Variants in TRAP1 observed in about 807,000 individuals in gnomAD.
TRAP1 encodes the protein TNF receptor associated protein 1, also known as heat shock protein 75 kDa, mitochondrial.
A neutral mutation model predicts 89.1 loss-of-function variants in TRAP1; 102 were observed. That is an observed-to-expected ratio of 1.15 (90% confidence interval 0.98 to 1.35). The LOEUF is 1.35. Among genes scored for constraint, TRAP1 ranks in the 40% most tolerant of loss-of-function variants. The pLI is 0.00. For missense variants in TRAP1, 1,256 were observed against 945.3 expected, an observed-to-expected ratio of 1.33 and a Z score of -4.31; for synonymous variants, 508 against 388.0, an observed-to-expected ratio of 1.31 and a Z score of -3.64.
Position 3,676,115 on chromosome 16 carries a change from C to A in TRAP1, c.735G>T (p.Ser245=), listed in dbSNP as rs754204276. 3 of 1,613,914 alleles carry A rather than the reference C, an allele frequency of 1.9e-6. No homozygotes were observed. In the Admixed American group the frequency reaches 5.0e-5, roughly 27 times the overall value. ...GSGVFEIAEA[S]GVRTGTKIII... ...TGATTTTTGTCCCGGTTCTAACTCC[C>A]GAAGCTTCGGCGATTTCAAACACTC... The change falls in exon 7 of 18, where the codon TCG becomes TCT. Residue 245 remains serine, a synonymous_variant. Coordinates refer to ENST00000246957, the MANE Select transcript of TRAP1 (RefSeq NM_016292.3).
At chr16:3,665,853 G>C in intron 12 of TRAP1, 118 bp downstream of exon 12, 1 of 1,319,476 alleles carries the variant, frequency 7.6e-7, no homozygotes, top group Non-Finnish European at 1.0e-6. Flanking sequence ...GGCAGCAGCA[G>C]CAGCAGCCAG....
At chr16:3,710,344 T>C (rs1298308572) in intron 1 of TRAP1, 1 of 152,222 alleles carries the variant, frequency 6.6e-6, no homozygotes, top group Non-Finnish European at 1.5e-5. Context: ...GACCTGCAAG[T>C]TAAGGCCACA....
At chr16:3,697,002 A>G (rs935462492) in intron 1 of TRAP1, among the ~76,000 whole-genome samples, 5 of 152,144 alleles carry the variant, frequency 3.3e-5, no homozygotes, top group African/African-American at 1.2e-4. Flanking sequence ...CTGGGATTAG[A>G]GCCGTAAGAC....
chr16:3,675,734 C>T (rs552089767), intron 7 of TRAP1, among the ~76,000 whole-genome samples: 12 of 152,328 alleles, frequency 7.9e-5, no homozygotes, highest in South Asian at 2.1e-4. Flanking sequence ...GGGAAGGCCA[C>T]GCCCACATCC....
intron 7 of TRAP1, 90 bp from the exon 8 acceptor site, chr16:3,675,487 C>G: frequency 1.6e-6 from 2 of 1,279,908 alleles, no homozygotes; most frequent in Non-Finnish European, 2.2e-6. Flanking sequence ...CGCCAGCCTG[C>G]TGGGAAGGGT....
intron 4 of TRAP1, 71 bp from the exon 5 acceptor site, chr16:3,679,861 C>T: frequency 6.7e-7 from 1 of 1,492,324 alleles, no homozygotes; most frequent in South Asian, 1.1e-5. Flanking sequence ...CCAGCAGTCC[C>T]AGGGACTCAA....
chr16:3,697,463 G>C (rs2051304950), intron 1 of TRAP1, among the ~76,000 whole-genome samples: 2 of 151,944 alleles, frequency 1.3e-5, no homozygotes, highest in African/African-American at 4.8e-5. Flanking sequence ...AGGAGATTGA[G>C]ACCATCCTGG....
intron 7 of TRAP1, 128 bp downstream of exon 7, chr16:3,675,908 C>T (rs1389015715): frequency 3.8e-6 from 3 of 784,318 alleles, no homozygotes; most frequent in Admixed American, 2.9e-5. Flanking sequence ...CCCGCAGCGG[C>T]TCGGCCCTTC....
At chr16:3,697,181 T>G (rs1380771512) in intron 1 of TRAP1, among the ~76,000 whole-genome samples, 1 of 152,212 alleles carries the variant, frequency 6.6e-6, no homozygotes, top group East Asian at 1.9e-4. Flanking sequence ...CTTTGCCTAT[T>G]GGTCAGATAA....
intron 1 of TRAP1, among the ~76,000 whole-genome samples, chr16:3,714,708 G>A (rs12597773): frequency 0.07 from 10,607 of 152,172 alleles, 541 homozygotes; most frequent in East Asian, 0.21. Context: ...GGCTGGCAGT[G>A]TCAGGGGTCA....
At chr16:3,671,933 C>G in intron 10 of TRAP1, 142 bp from the exon 11 acceptor site, 2 of 861,782 alleles carry the variant, frequency 2.3e-6, no homozygotes, top group Non-Finnish European at 3.7e-6. Flanking sequence ...GCGGCACTGC[C>G]GGAGCTTCCT....
intron 11 of TRAP1, among the ~76,000 whole-genome samples, chr16:3,671,475 C>T (rs1226220193): frequency 1.3e-5 from 2 of 152,178 alleles, no homozygotes. Context: ...TCTGGCTCTG[C>T]GGCCCCTCCC....
intron 2 of TRAP1, 33 bp from the exon 3 acceptor site, chr16:3,689,170 T>A (rs1425666778): frequency 6.3e-7 from 1 of 1,578,280 alleles, no homozygotes; most frequent in East Asian, 2.2e-5. Flanking sequence ...ACCAACAAAG[T>A]TTAACTTCTA....
At chr16:3,658,281 A>T (rs768906535) in intron 17 of TRAP1, 51 bp from the exon 18 acceptor site, 211 of 1,216,718 alleles carry the variant, frequency 1.7e-4, no homozygotes, top group Admixed American at 4.6e-4. Context: ...GCACCTTTTC[A>T]TTTTTTTTTT....
At position 3,677,590 on chromosome 16, in the gene TRAP1, A is replaced by C; in HGVS notation, c.612T>G (p.Gly204=). Residue 204 remains glycine (G), a synonymous_variant, in exon 6 of 18, where the codon GGT becomes GGG. Coordinates refer to ENST00000246957, the MANE Select transcript of TRAP1 (RefSeq NM_016292.3). The stretch of plus-strand genomic sequence containing the variant: ...CAGCCACCATGAAAGCTGAGTAGAA[A>C]CCCACTCCAAACTGGCCGATGATCT... ...SSKIIGQFGV[G]FYSAFMVADR... The C allele has an allele frequency of 1.9e-6, 3 of 1,614,092 alleles. No individual in the cohort carries two copies. Among genetic ancestry groups the C allele is most frequent in the Non-Finnish European group, 2.5e-6 (3 of 1,180,018 alleles).
At position 3,684,843 on chromosome 16, in the gene TRAP1, T is replaced by C. The variant is rs570232368; in HGVS notation, c.471+1153A>G. Among the ~76,000 whole-genome samples, 89 of 152,250 alleles carry C rather than the reference T, an allele frequency of 5.8e-4. 1 individual carries two copies. The highest frequency in any genetic ancestry group is 4.4e-3 in the East Asian group (23 of 5,186). ...TGGACCATGACGCTCCCATCGGCTA[T>C]TGAGAATAGAAAAACTGGGTCCCAA... On this transcript the variant is annotated intron_variant, in intron 4 of 17. Coordinates refer to ENST00000246957, the MANE Select transcript of TRAP1 (RefSeq NM_016292.3).
intron 1 of TRAP1, among the ~76,000 whole-genome samples, chr16:3,702,159 A>G (rs1313259505): frequency 2.7e-5 from 4 of 149,652 alleles, no homozygotes; most frequent in African/African-American, 7.7e-5. Context: ...CAAAAGTGCT[A>G]ATGTTTTCCC....
At chr16:3,673,567 G>C (rs754074229) in intron 9 of TRAP1, among the ~76,000 whole-genome samples, 4 of 143,510 alleles carry the variant, frequency 2.8e-5, no homozygotes, top group Non-Finnish European at 6.2e-5. Flanking sequence ...GGGGGATCCG[G>C]TTAAAATGCG....
At chr16:3,688,169 G>C (rs1440405818) in intron 3 of TRAP1, among the ~76,000 whole-genome samples, 1 of 151,334 alleles carries the variant, frequency 6.6e-6, no homozygotes, top group Non-Finnish European at 1.5e-5. Context: ...TGAGTTTTGC[G>C]GGGTTTTTTT....
Sources: gnomAD v4.1 joint callset for allele counts (sites outside exome capture counted in the v4.1 genomes callset) on GRCh38, gnomAD v4.1.1 for gene constraint, MANE v1.5 for transcripts, NCBI Gene and HGNC (gene_info 2026-07-23, HGNC 2026-07-21) for gene names.